Variants in LRRC3B observed in about 807,000 individuals in gnomAD.
The protein encoded by LRRC3B is leucine rich repeat containing 3B.
In LRRC3B, 2 loss-of-function variants were observed where a neutral mutation model predicts 12.8. The ratio of observed to expected loss-of-function variants is 0.16; its 90% CI spans 0.06 to 0.49. LRRC3B has a LOEUF of 0.49. Ranked by LOEUF, LRRC3B falls within the 20% of genes least tolerant of loss-of-function variation. The probability of loss-of-function intolerance (pLI) is 0.96; values close to 1 mark genes in which losing one functional copy is unlikely to be tolerated. For synonymous variants in LRRC3B, 132 were observed against 122.0 expected (o/e 1.08, Z -0.54); for missense variants, 189 against 319.4 (o/e 0.59, Z 3.11).
intron 1 of LRRC3B, among the ~76,000 whole-genome samples, chr3:26,707,856 G>A (rs975421389): frequency 3.3e-5 from 5 of 152,200 alleles, no homozygotes; most frequent in Admixed American, 1.3e-4. Flanking sequence ...ACATGAAAAG[G>A]AGGACACTTT....
chr3:26,676,849 T>G (rs1330143000), intron 1 of LRRC3B, among the ~76,000 whole-genome samples: 1 of 152,240 alleles, frequency 6.6e-6, no homozygotes, highest in Non-Finnish European at 1.5e-5. Context: ...AAATGTCATT[T>G]CATTTTTAAA....
chr3:26,658,028 TTACTC>T (rs1443121471), intron 1 of LRRC3B, among the ~76,000 whole-genome samples: 14 of 152,198 alleles, frequency 9.2e-5, no homozygotes, highest in African/African-American at 3.1e-4. Context: ...AATCTTGACT[TTACTC>T]AAGCCACTGA....
intron 1 of LRRC3B, among the ~76,000 whole-genome samples, chr3:26,675,540 T>G (rs1699839714): frequency 1.3e-5 from 2 of 152,214 alleles, no homozygotes; most frequent in African/African-American, 2.4e-5. Context: ...GAAGCCTCAC[T>G]GAGTGTTTTT....
At chr3:26,657,186 A>C (rs6551126) in intron 1 of LRRC3B, among the ~76,000 whole-genome samples, 7,750 of 152,244 alleles carry the variant, frequency 0.051, 481 homozygotes, top group East Asian at 0.15. Flanking sequence ...CCAAACCACA[A>C]ACTCCCAGCT....
At chr3:26,665,429 G>T (rs555026022) in intron 1 of LRRC3B, among the ~76,000 whole-genome samples, 12 of 152,184 alleles carry the variant, frequency 7.9e-5, no homozygotes, top group African/African-American at 2.4e-4. Context: ...AGGCACCATT[G>T]CTTTGTCTCG....
chr3:26,656,031 A>C (rs770347974), intron 1 of LRRC3B, among the ~76,000 whole-genome samples: 1 of 152,134 alleles, frequency 6.6e-6, no homozygotes, highest in Non-Finnish European at 1.5e-5. Flanking sequence ...CTACTTCTCT[A>C]TTCTGCCTCC....
chr3:26,650,466 TC>T (rs1031140247), intron 1 of LRRC3B, among the ~76,000 whole-genome samples: 76 of 151,728 alleles, frequency 5.0e-4, no homozygotes, highest in African/African-American at 1.5e-3. Flanking sequence ...GTCACACAGC[TC>T]CCCCCACCAG....
intron 1 of LRRC3B, chr3:26,625,191 C>T (rs1698597531): frequency 6.6e-5 from 10 of 152,488 alleles, no homozygotes; most frequent in Admixed American, 6.5e-4. Flanking sequence ...CAGAGGACTC[C>T]TGCTGCCTTG....
intron 1 of LRRC3B, chr3:26,694,599 T>C (rs1246782335): frequency 6.6e-6 from 1 of 152,244 alleles, no homozygotes; most frequent in East Asian, 1.9e-4. Flanking sequence ...TTATTCTTAG[T>C]TCTAGTTGAG....
intron 1 of LRRC3B, among the ~76,000 whole-genome samples, chr3:26,685,616 T>TATATAC (rs1700071032): frequency 1.1e-5 from 1 of 89,412 alleles, no homozygotes; most frequent in African/African-American, 9.1e-5. Context: ...TGTGTGTGTG[T>TATATAC]ATATATATAT....
At chr3:26,671,413 G>GAGAGAGAGACAGAGAGAGAGACAC (rs9331540) in intron 1 of LRRC3B, among the ~76,000 whole-genome samples, 5 of 99,386 alleles carry the variant, frequency 5.0e-5, no homozygotes, top group Non-Finnish European at 9.7e-5. Flanking sequence ...GAGAGAGAGA[G>GAGAGAGAGACAGAGAGAGAGACAC]ACGAAGTCTT....
chr3:26,710,349 G>A (rs749094552), exon 2 of LRRC3B: 3 of 1,614,024 alleles, frequency 1.9e-6, no homozygotes, highest in East Asian at 2.2e-5. Context: ...TATTATGTGA[G>A]GCAAAATCAG....
At chr3:26,646,862 T>C (rs1036468396) in intron 1 of LRRC3B, among the ~76,000 whole-genome samples, 3 of 152,118 alleles carry the variant, frequency 2.0e-5, no homozygotes, top group African/African-American at 4.8e-5. Context: ...GGAACCTAAT[T>C]TGAGTCCCAG....
intron 1 of LRRC3B, among the ~76,000 whole-genome samples, chr3:26,646,630 A>G (rs1054964144): frequency 8.5e-6 from 1 of 117,938 alleles, no homozygotes; most frequent in Non-Finnish European, 1.8e-5. Flanking sequence ...AAAAAAAAAA[A>G]AAAAAACGGA....
intron 1 of LRRC3B, among the ~76,000 whole-genome samples, chr3:26,671,885 T>A (rs983457900): frequency 3.3e-5 from 5 of 152,296 alleles, no homozygotes; most frequent in African/African-American, 1.2e-4. Context: ...CCATCCTTCC[T>A]TGACAGAACA....
chr3:26,629,758 C>T (rs181642436), intron 1 of LRRC3B, among the ~76,000 whole-genome samples: 1 of 151,986 alleles, frequency 6.6e-6, no homozygotes, highest in African/African-American at 2.4e-5. Flanking sequence ...AACTGTGGCT[C>T]AGAAACAGTG....
At chr3:26,674,333 G>A (rs772343164) in intron 1 of LRRC3B, among the ~76,000 whole-genome samples, 2 of 152,090 alleles carry the variant, frequency 1.3e-5, no homozygotes, top group Non-Finnish European at 2.9e-5. Context: ...ACTTATGAAT[G>A]TAAAAACATT....
intron 1 of LRRC3B, among the ~76,000 whole-genome samples, chr3:26,703,784 A>G (rs183211405): frequency 2.6e-5 from 4 of 151,794 alleles, no homozygotes; most frequent in Admixed American, 6.6e-5. Context: ...GTCTCTCATC[A>G]TGAAACATGT....
intron 1 of LRRC3B, among the ~76,000 whole-genome samples, chr3:26,684,289 C>G (rs77361930): frequency 0.018 from 2,704 of 152,320 alleles, 62 homozygotes; most frequent in African/African-American, 0.06. Context: ...AAGTCAGCCT[C>G]AATCTATATG....
Sources: allele counts gnomAD v4.1 joint callset (sites outside exome capture counted in the v4.1 genomes callset), GRCh38; gene constraint gnomAD v4.1.1; transcripts MANE v1.5; gene names NCBI Gene and HGNC (gene_info 2026-07-23, HGNC 2026-07-21).